Variants in TSHZ1 observed in about 807,000 individuals in gnomAD.
TSHZ1 encodes teashirt zinc finger homeobox 1, also known as teashirt homolog 1.
A neutral mutation model predicts 67.1 loss-of-function variants in TSHZ1; 12 were observed. The observed-to-expected ratio is 0.18, with a 90% CI of 0.11 to 0.29. TSHZ1 has a LOEUF of 0.29. Ranked by LOEUF, TSHZ1 falls within the 10% of genes least tolerant of loss-of-function variation. The pLI is 1.00. For missense variants in TSHZ1, 1,305 were observed against 1,413.9 expected (o/e 0.92, Z 1.23); for synonymous variants, 632 against 622.4 (o/e 1.02, Z -0.23).
chr18:75,234,180 T>C (rs8095928), intron 1 of TSHZ1, among the ~76,000 whole-genome samples: 18,850 of 152,194 alleles, frequency 0.12, 2,873 homozygotes, highest in African/African-American at 0.37. Flanking sequence ...ACATGATGAC[T>C]GGAGCCGGAG....
rs138273060 is a variant in TSHZ1 at position 75,286,943 on chromosome 18, C to A, written c.1536C>A (p.Asp512Glu). ...AGGAGAAGCCGCCTGTGGCTGGCGA[C>A]GCGGAGAAGATCAAGGAGGAGAGTG... Reference protein sequence around the residue: ...PEKEKPPVAGDAEKIKEESED... With the variant: ...PEKEKPPVAGEAEKIKEESED... Residue 512 changes from aspartate (D) to glutamate (E), a missense_variant, in exon 2 of 2, where the codon GAC (aspartate) becomes GAA (glutamate). Asp to Glu is a conservative substitution (Grantham distance 45, BLOSUM62 2). Transcript: ENST00000580243. This position sits in a 1 kb window ranked among gnomAD's most constrained non-coding sequence, Gnocchi z 5.1. 6 of 1,614,000 alleles carry A rather than the reference C, an allele frequency of 3.7e-6. No homozygotes were observed. Among genetic ancestry groups the A allele is most frequent in the Non-Finnish European group, 4.2e-6 (5 of 1,180,016 alleles).
intron 1 of TSHZ1, among the ~76,000 whole-genome samples, chr18:75,227,007 C>T (rs1334351422): frequency 1.3e-5 from 2 of 152,180 alleles, no homozygotes; most frequent in Admixed American, 6.5e-5. Context: ...AACACACAAG[C>T]CCCCGGCTCT....
intron 1 of TSHZ1, among the ~76,000 whole-genome samples, chr18:75,218,544 G>A (rs1354023318): frequency 6.6e-6 from 1 of 152,198 alleles, no homozygotes; most frequent in Non-Finnish European, 1.5e-5. Flanking sequence ...AATCTTCTAC[G>A]AGACTATGGT....
At position 75,288,823 on chromosome 18, in the gene TSHZ1, TC is replaced by T; in HGVS notation, c.*183del. On this transcript the variant is annotated 3_prime_UTR_variant, in exon 2 of 2. Transcript: ENST00000580243. The surrounding 1 kb of genome is among the most constrained non-coding windows in gnomAD (Gnocchi z 4.9). ...CTGTCCGATCTGTGCATGTTATTTT[TC>T]TTTTTCCGTGAGTCAAAGTCTGACC... 9.7e-7 allele frequency: 1 copy of T among 1,029,426 alleles called. No homozygotes were observed. 63.8% of individuals were successfully genotyped at this position (1,029,426 alleles called of 1,614,324 possible). A position where few individuals can be genotyped will look rare whatever the true frequency, so the allele number is the denominator to read the frequency against.
rs34602326 is a variant in TSHZ1, at chr18:75,288,359, A to G, written c.2952A>G (p.Thr984=). The change falls in exon 2 of 2, where the codon ACA becomes ACG. Residue 984 remains threonine, a synonymous_variant. Coordinates refer to ENST00000580243, the MANE Select transcript of TSHZ1 (RefSeq NM_001308210.2). The surrounding 1 kb of genome is among the most constrained non-coding windows in gnomAD (Gnocchi z 4.9). ...CCTCTCAGTTCAGAACTGCTTCTAC[A>G]TACATAAGTCATTTGGAGACACACT... ...DCASQFRTAS[T]YISHLETHLG... is the part of the protein sequence containing the mutation. 3,124 of 1,614,206 alleles carry G rather than the reference A, an allele frequency of 1.9e-3. 64 individuals are homozygous for G. The African/African-American group carries it at 0.038, about 20-fold the overall frequency.
At chr18:75,282,957 C>T (rs2023704795) in intron 1 of TSHZ1, 1 of 152,322 alleles carries the variant, frequency 6.6e-6, no homozygotes, top group Admixed American at 6.5e-5. Context: ...GCTCCCCGAA[C>T]TGAGCAGATC....
chr18:75,231,940 G>A (rs186021649), intron 1 of TSHZ1, among the ~76,000 whole-genome samples: 12 of 151,528 alleles, frequency 7.9e-5, no homozygotes, highest in East Asian at 5.9e-4. Flanking sequence ...ACAGAATCTC[G>A]CTTTGTCACC....
chr18:75,228,336 T>C (rs971978016), intron 1 of TSHZ1, among the ~76,000 whole-genome samples: 1 of 152,216 alleles, frequency 6.6e-6, no homozygotes, highest in Non-Finnish European at 1.5e-5. Flanking sequence ...CATAGACATG[T>C]ACATTAAAGA....
At chr18:75,214,951 T>C (rs915000653) in intron 1 of TSHZ1, among the ~76,000 whole-genome samples, 1 of 152,130 alleles carries the variant, frequency 6.6e-6, no homozygotes, top group African/African-American at 2.4e-5. Context: ...CCATAGCCTG[T>C]AGTGCAGTAT....
intron 1 of TSHZ1, among the ~76,000 whole-genome samples, chr18:75,238,601 A>G (rs761121773): frequency 2.0e-5 from 3 of 151,774 alleles, no homozygotes; most frequent in Non-Finnish European, 4.4e-5. Context: ...CAGGATGAAG[A>G]CTAGAAAAGT....
At chr18:75,211,994 C>T (rs1314716137) in intron 1 of TSHZ1, 78 bp downstream of exon 1, 7 of 1,111,010 alleles carry the variant, frequency 6.3e-6, no homozygotes, top group Non-Finnish European at 6.7e-6. Flanking sequence ...GGCCGAGGTG[C>T]GGGACGTGGG....
chr18:75,248,578 GAC>G (rs1213333787), intron 1 of TSHZ1, among the ~76,000 whole-genome samples: 1 of 152,142 alleles, frequency 6.6e-6, no homozygotes, highest in Non-Finnish European at 1.5e-5. Context: ...AAATCCAATT[GAC>G]AGTTAATTGG....
chr18:75,229,263 C>G (rs1369115860), intron 1 of TSHZ1, among the ~76,000 whole-genome samples: 2 of 152,230 alleles, frequency 1.3e-5, no homozygotes, highest in African/African-American at 4.8e-5. Context: ...TAAAAGCCCT[C>G]TTTGGCTTTT....
At chr18:75,276,635 C>T (rs2023616510) in intron 1 of TSHZ1, among the ~76,000 whole-genome samples, 1 of 152,154 alleles carries the variant, frequency 6.6e-6, no homozygotes, top group Admixed American at 6.5e-5. Context: ...TGTGGGGAGG[C>T]CCCTTTTGTG....
chr18:75,227,609 CAT>C (rs1486123729), intron 1 of TSHZ1, among the ~76,000 whole-genome samples: 6 of 152,200 alleles, frequency 3.9e-5, no homozygotes, highest in African/African-American at 1.2e-4. Flanking sequence ...GCATTGTAAT[CAT>C]GTGTGAGAAT....
chr18:75,265,489 G>A (rs2023479422), intron 1 of TSHZ1, among the ~76,000 whole-genome samples: 1 of 152,172 alleles, frequency 6.6e-6, no homozygotes, highest in Non-Finnish European at 1.5e-5. Context: ...CATGACCTTA[G>A]GGTTTTCAAA....
rs1315254964 is a variant in TSHZ1, at chr18:75,211,741, C to T, written c.-136C>T. The stretch of plus-strand genomic sequence containing the variant: ...GCGGCTCCCCGCGGTCCGCGGCGCG[C>T]CCGGAGCCCGGAGCCCGCGGGGACG... On this transcript the variant is annotated 5_prime_UTR_variant, in exon 1 of 2. Coordinates refer to ENST00000580243, the MANE Select transcript of TSHZ1 (RefSeq NM_001308210.2). 5 of 397,710 alleles carry T rather than the reference C, an allele frequency of 1.3e-5. No individual in the cohort carries two copies. Among genetic ancestry groups the T allele is most frequent in the Non-Finnish European group, 1.7e-5 (5 of 295,720 alleles). The allele number at this position is 397,710 out of a possible 1,614,324, so 24.6% of individuals were successfully genotyped here.
In TSHZ1 at chr18:75,281,593, C is replaced by T. The variant is rs891062888; in HGVS notation, c.41-3855C>T. 6.6e-6 allele frequency among the ~76,000 whole-genome samples: 1 copy of T among 151,994 alleles called. No homozygotes were observed. The highest frequency in any genetic ancestry group is 2.4e-5 in the African/African-American group (1 of 41,348). On this transcript the variant is annotated intron_variant, in intron 1 of 1. Transcript: ENST00000580243. This position sits in a 1 kb window ranked among gnomAD's most constrained non-coding sequence, Gnocchi z 5.3. ...GTGCAGGGGTGCTCATGGCTGTGGT[C>T]GGCACAGGCCCTGGGGTTGTGGAGA... is the stretch of plus-strand genomic sequence containing the variant.
chr18:75,279,077 C>CT lies in TSHZ1; in HGVS notation c.41-6370dup, dbSNP rs1181017555. Among the ~76,000 whole-genome samples the CT allele has an allele frequency of 7.2e-5, 11 of 152,186 alleles. No homozygotes were observed. In the East Asian group the frequency reaches 1.9e-3, roughly 27 times the overall value. Reference sequence around the variant, plus strand: ...GCACTTCAGCCTCAGGGCCCCTGGCCTGGGGTGGTGGGAGAATGGTGAGGA... The same window carrying CT: ...GCACTTCAGCCTCAGGGCCCCTGGCCTTGGGGTGGTGGGAGAATGGTGAGGA... On this transcript the variant is annotated intron_variant, in intron 1 of 1. Transcript: ENST00000580243.
Sources: gnomAD v4.1 joint callset for allele counts (sites outside exome capture counted in the v4.1 genomes callset) on GRCh38, gnomAD v4.1.1 for gene constraint, Gnocchi (gnomAD v3.1) non-coding constraint, MANE v1.5 for transcripts, NCBI Gene and HGNC (gene_info 2026-07-23, HGNC 2026-07-21) for gene names.